Variants in ARHGAP18 observed in about 807,000 individuals in gnomAD.
The protein encoded by ARHGAP18 is Rho GTPase activating protein 18, also known as rho GTPase-activating protein 18.
Under a neutral mutation model 86.2 loss-of-function variants are expected in ARHGAP18, and 67 were observed. That is an observed-to-expected ratio of 0.78 (90% confidence interval 0.64 to 0.95). The LOEUF is 0.95. ARHGAP18 is among the 40% of genes least tolerant of loss of function. The pLI is 0.00. For missense variants in ARHGAP18, 691 were observed against 780.4 expected, an observed-to-expected ratio of 0.89 and a Z score of 1.37; for synonymous variants, 283 against 280.4, an observed-to-expected ratio of 1.01 and a Z score of -0.09.
At chr6:129,588,990 C>T (rs1217092772) in intron 12 of ARHGAP18, among the ~76,000 whole-genome samples, 1 of 152,216 alleles carries the variant, frequency 6.6e-6, no homozygotes, top group Non-Finnish European at 1.5e-5. Context: ...TTCAGGGCAC[C>T]ATGTCCTGAG....
intron 12 of ARHGAP18, 73 bp downstream of exon 12, chr6:129,599,143 A>G (rs1358616545): frequency 7.1e-6 from 9 of 1,260,736 alleles, no homozygotes; most frequent in Non-Finnish European, 8.3e-6. Context: ...CTATGAAAAC[A>G]TTAAATAAAA....
intron 12 of ARHGAP18, among the ~76,000 whole-genome samples, chr6:129,586,797 A>G (rs1368977664): frequency 6.6e-6 from 1 of 152,136 alleles, no homozygotes; most frequent in Non-Finnish European, 1.5e-5. Context: ...AGAACCTTCT[A>G]CTGTTTGGAT....
chr6:129,650,737 C>A (rs1470500910), intron 1 of ARHGAP18, among the ~76,000 whole-genome samples: 1 of 152,212 alleles, frequency 6.6e-6, no homozygotes, highest in African/African-American at 2.4e-5. Context: ...GATGTTCTTT[C>A]TCCAGGACCC....
At chr6:129,656,937 T>C (rs185043151) in intron 1 of ARHGAP18, among the ~76,000 whole-genome samples, 4 of 152,354 alleles carry the variant, frequency 2.6e-5, no homozygotes, top group Non-Finnish European at 5.9e-5. Context: ...CTTTACTTTT[T>C]TCCCCTGTAT....
rs770424811 is a variant in ARHGAP18, at chr6:129,578,493, T to G, written c.*20A>C. Reference sequence around the variant, plus strand: ...ATTATGACAGAAGTCCACATGGTTATCTGCAGCTTGTTAAGTCTTCTACAA... The same window carrying G: ...ATTATGACAGAAGTCCACATGGTTAGCTGCAGCTTGTTAAGTCTTCTACAA... On this transcript the variant is annotated 3_prime_UTR_variant, in exon 15 of 15. Transcript: ENST00000368149. 3 of 1,594,828 alleles carry G rather than the reference T, an allele frequency of 1.9e-6. No homozygotes were observed. The South Asian group carries it at 3.3e-5, about 18-fold the overall frequency.
rs1467492218 is a variant in ARHGAP18, at chr6:129,606,741, C to T, written c.1283-782G>A. Among the ~76,000 whole-genome samples the T allele has an allele frequency of 2.0e-5, 3 of 152,154 alleles. No homozygotes were observed. The East Asian group carries it at 5.8e-4, about 29-fold the overall frequency. ...TAAACAGAAGAGATTTCAGTTCCGT[C>T]TCTCCTAGAAATTCTGAAGAAATGT... On this transcript the variant is annotated intron_variant, in intron 9 of 14. Coordinates refer to ENST00000368149, the MANE Select transcript of ARHGAP18 (RefSeq NM_033515.3).
intron 7 of ARHGAP18, among the ~76,000 whole-genome samples, chr6:129,613,673 G>A (rs545813277): frequency 5.9e-5 from 9 of 152,200 alleles, no homozygotes; most frequent in African/African-American, 1.7e-4. Flanking sequence ...TACATATATC[G>A]TCAGAAGGAA....
intron 1 of ARHGAP18, among the ~76,000 whole-genome samples, chr6:129,684,402 T>C (rs1774389969): frequency 6.6e-6 from 1 of 152,172 alleles, no homozygotes; most frequent in African/African-American, 2.4e-5. Context: ...CAAAATAAAA[T>C]TCAATTGTGG....
At chr6:129,635,144 G>A (rs375129111) in intron 3 of ARHGAP18, among the ~76,000 whole-genome samples, 66 of 152,258 alleles carry the variant, frequency 4.3e-4, no homozygotes, top group African/African-American at 1.6e-3. Context: ...GAAGAGTCTG[G>A]ATCAACCACA....
At chr6:129,629,273 G>A (rs942725508) in intron 5 of ARHGAP18, 80 bp downstream of exon 5, 40 of 1,155,784 alleles carry the variant, frequency 3.5e-5, no homozygotes, top group Admixed American at 1.5e-4. Context: ...GTGTGTGTGC[G>A]TGTGTGTGTA....
At chr6:129,612,653 T>C (rs1789004018) in intron 7 of ARHGAP18, among the ~76,000 whole-genome samples, 1 of 152,180 alleles carries the variant, frequency 6.6e-6, no homozygotes, top group Non-Finnish European at 1.5e-5. Flanking sequence ...CCCTTGCACA[T>C]AAAAGTGTCT....
chr6:129,691,171 A>C (rs934436984), intron 1 of ARHGAP18, among the ~76,000 whole-genome samples: 4 of 152,206 alleles, frequency 2.6e-5, no homozygotes, highest in Non-Finnish European at 5.9e-5. Context: ...TGGGGGAAGG[A>C]AGGAAGTGAA....
chr6:129,597,437 A>G (rs563899228), intron 12 of ARHGAP18, among the ~76,000 whole-genome samples: 2 of 152,276 alleles, frequency 1.3e-5, no homozygotes, highest in South Asian at 4.1e-4. Flanking sequence ...TGCAGGTTAG[A>G]TGGCTCTTCT....
chr6:129,672,511 C>A (rs575467040), intron 1 of ARHGAP18, among the ~76,000 whole-genome samples: 3 of 152,322 alleles, frequency 2.0e-5, no homozygotes, highest in Non-Finnish European at 4.4e-5. Context: ...CCTTACTACA[C>A]AGAAGTGTGA....
At chr6:129,696,741 G>A (rs1017880231) in intron 1 of ARHGAP18, among the ~76,000 whole-genome samples, 2 of 152,090 alleles carry the variant, frequency 1.3e-5, no homozygotes, top group Non-Finnish European at 2.9e-5. Flanking sequence ...CATAGGATAC[G>A]CATTTATATA....
intron 12 of ARHGAP18, among the ~76,000 whole-genome samples, chr6:129,598,703 C>T (rs1396012189): frequency 6.6e-6 from 1 of 152,000 alleles, no homozygotes; most frequent in African/African-American, 2.4e-5. Flanking sequence ...CAAAATTCTT[C>T]TGATCAAATT....
chr6:129,649,357 C>CA (rs1299720866), intron 1 of ARHGAP18, among the ~76,000 whole-genome samples: 1 of 152,078 alleles, frequency 6.6e-6, no homozygotes. Flanking sequence ...AGATTGAGAT[C>CA]AGCCTGGCCA....
chr6:129,580,228 T>C, intron 13 of ARHGAP18, 97 bp from the exon 14 acceptor site: 1 of 1,066,476 alleles, frequency 9.4e-7, no homozygotes, highest in Non-Finnish European at 1.4e-6. Flanking sequence ...GTATGGAAAA[T>C]TCATAACTTA....
intron 1 of ARHGAP18, among the ~76,000 whole-genome samples, chr6:129,643,463 C>T (rs1026211539): frequency 5.9e-5 from 9 of 152,134 alleles, no homozygotes; most frequent in Admixed American, 2.0e-4. Flanking sequence ...CCCTTTCTGC[C>T]ATGATTTAAG....
Sources: gnomAD v4.1 joint callset for allele counts (sites outside exome capture counted in the v4.1 genomes callset) on GRCh38, gnomAD v4.1.1 for gene constraint, MANE v1.5 for transcripts, NCBI Gene and HGNC (gene_info 2026-07-23, HGNC 2026-07-21) for gene names.